Variants in HIBCH observed in about 807,000 individuals in gnomAD.
HIBCH encodes the protein 3-hydroxyisobutyryl-CoA hydrolase, mitochondrial.
In HIBCH, 50 loss-of-function variants were observed where a neutral mutation model predicts 58.2. The ratio of observed to expected loss-of-function variants is 0.86; its 90% CI spans 0.68 to 1.09. HIBCH has a LOEUF of 1.09. Among genes scored for constraint, HIBCH ranks in the 50% least tolerant of loss-of-function variants. The pLI is 0.00. For missense variants in HIBCH, 450 were observed against 449.7 expected (o/e 1.00, Z -0.01); for synonymous variants, 151 against 146.9 (o/e 1.03, Z -0.20).
intron 1 of HIBCH, among the ~76,000 whole-genome samples, chr2:190,316,064 G>A (rs567027129): frequency 6.6e-6 from 1 of 152,322 alleles, no homozygotes; most frequent in Middle Eastern, 3.4e-3. Context: ...AAATGAGAAG[G>A]CTGCAGTTGA....
At chr2:190,310,818 A>G (rs1157172449) in intron 1 of HIBCH, 22 bp from the exon 2 acceptor site, 2 of 1,554,528 alleles carry the variant, frequency 1.3e-6, no homozygotes, top group Non-Finnish European at 1.8e-6. Context: ...GTGGAAAACA[A>G]TGAGAACAGT....
rs564359545 is a variant in HIBCH, at chr2:190,227,365, A to G, written c.892-14290T>C. Among the ~76,000 whole-genome samples, 1,018 of 152,308 alleles carry G rather than the reference A, an allele frequency of 6.7e-3. 12 individuals are homozygous for G. Among genetic ancestry groups the G allele is most frequent in the African/African-American group, 0.022 (922 of 41,550 alleles). On this transcript the variant is annotated intron_variant, in intron 11 of 13. Transcript: ENST00000359678. ...ATGGTGCTGGGAAAACTGGCTAGCC[A>G]TATGTAGAAAGCTGAAACTGGATCC...
chr2:190,196,082 T>G (rs1689962741), intron 1 of HIBCH, among the ~76,000 whole-genome samples: 1 of 152,088 alleles, frequency 6.6e-6, no homozygotes, highest in Non-Finnish European at 1.5e-5. Flanking sequence ...TCCATTTTCT[T>G]TCAGGTAATT....
downstream of HIBCH, among the ~76,000 whole-genome samples, chr2:190,199,005 G>A (rs1690112738): frequency 6.6e-6 from 1 of 152,174 alleles, no homozygotes; most frequent in Admixed American, 6.5e-5. Context: ...GTCAATAGGT[G>A]GCTTTGCTAT....
intron 7 of HIBCH, among the ~76,000 whole-genome samples, chr2:190,257,768 T>C (rs939636229): frequency 4.0e-5 from 6 of 151,752 alleles, no homozygotes; most frequent in Non-Finnish European, 8.8e-5. Context: ...AAGGCAAGGG[T>C]GAGACAGGAC....
At chr2:190,311,938 G>C (rs1688568104) in intron 1 of HIBCH, among the ~76,000 whole-genome samples, 1 of 152,156 alleles carries the variant, frequency 6.6e-6, no homozygotes, top group Non-Finnish European at 1.5e-5. Flanking sequence ...ATGGACATGA[G>C]AATGGTGAGG....
rs374070132 is a variant in HIBCH, at chr2:190,310,695, C to T, written c.78+59G>A. On this transcript the variant is annotated intron_variant, in intron 2 of 13. Transcript: ENST00000359678. The stretch of plus-strand genomic sequence containing the variant: ...TACCAGTATTTCTCTACTTCTCTAA[C>T]AATGACATTTTAAGTTACACATACA... The T allele has an allele frequency of 1.5e-5, 20 of 1,338,394 alleles. No individual in the cohort carries two copies. In the African/African-American group the frequency reaches 2.9e-4, roughly 19 times the overall value. The allele number at this position is 1,338,394 out of a possible 1,614,324, so 82.9% of individuals were successfully genotyped here. A position where few individuals can be genotyped will look rare whatever the true frequency, so the allele number is the denominator to read the frequency against.
At chr2:190,212,920 G>C in intron 12 of HIBCH, 36 bp downstream of exon 12, 1 of 1,562,732 alleles carries the variant, frequency 6.4e-7, no homozygotes, top group Non-Finnish European at 8.8e-7. Flanking sequence ...GTTACTTTTA[G>C]AACTAAAAAA....
intron 11 of HIBCH, among the ~76,000 whole-genome samples, chr2:190,242,636 G>A (rs1047646579): frequency 4.1e-4 from 63 of 152,058 alleles, no homozygotes; most frequent in Middle Eastern, 3.2e-3. Flanking sequence ...GACATGAGGT[G>A]CTTGCTGAAG....
At chr2:190,296,421 T>TTA (rs1688105637) in intron 3 of HIBCH, among the ~76,000 whole-genome samples, 1 of 54,492 alleles carries the variant, frequency 1.8e-5, no homozygotes, top group African/African-American at 5.9e-5. Flanking sequence ...CTCCTCCGTC[T>TTA]CAAAAAAAAA....
rs554868212 is a variant in HIBCH, at chr2:190,281,432, G to A, written c.438+6154C>T. Among the ~76,000 whole-genome samples, 361 of 152,104 alleles carry A rather than the reference G, an allele frequency of 2.4e-3. No homozygotes were observed. Among genetic ancestry groups the A allele is most frequent in the Non-Finnish European group, 3.5e-3 (238 of 68,032 alleles). Reference sequence around the variant, plus strand: ...TGGGAGCAGAGGCCCAAGCAGCCCCGGGCGGTAAGCTTATAGGGGGAGGCC... The same window carrying A: ...TGGGAGCAGAGGCCCAAGCAGCCCCAGGCGGTAAGCTTATAGGGGGAGGCC... On this transcript the variant is annotated intron_variant, in intron 6 of 13. Transcript: ENST00000359678. The surrounding 1 kb of genome is among the most constrained non-coding windows in gnomAD (Gnocchi z 5.4).
intron 6 of HIBCH, among the ~76,000 whole-genome samples, chr2:190,271,249 T>A (rs1687390276): frequency 6.7e-6 from 1 of 148,562 alleles, no homozygotes; most frequent in Non-Finnish European, 1.5e-5. Context: ...CCTATCTCCC[T>A]CTTAAATCTA....
intron 5 of HIBCH, among the ~76,000 whole-genome samples, chr2:190,288,722 A>C (rs966446493): frequency 1.4e-4 from 22 of 152,152 alleles, no homozygotes; most frequent in Non-Finnish European, 2.9e-4. Context: ...AAGCTAAAAA[A>C]CAAAAGGAAT....
rs1326137569 is a variant in HIBCH, at chr2:190,215,459, G to C, written c.892-2384C>G. The C allele has an allele frequency of 2.0e-5, 3 of 152,158 alleles. No homozygotes were observed. The highest frequency in any genetic ancestry group is 2.9e-5 in the Non-Finnish European group (2 of 68,044). 9.4% of individuals were successfully genotyped at this position (152,158 alleles called of 1,614,324 possible). A position where few individuals can be genotyped will look rare whatever the true frequency, so the allele number is the denominator to read the frequency against. On this transcript the variant is annotated intron_variant, in intron 11 of 13. Transcript: ENST00000359678. This position sits in a 1 kb window ranked among gnomAD's most constrained non-coding sequence, Gnocchi z 4.4. Reference sequence around the variant, plus strand: ...GAGATTCAACAACAAAAAAGGAGGAGACTCCCTCTGTGTTGCTGCAGAGGC... The same window carrying C: ...GAGATTCAACAACAAAAAAGGAGGACACTCCCTCTGTGTTGCTGCAGAGGC...
chr2:190,225,703 T>A (rs1241975481), intron 11 of HIBCH, among the ~76,000 whole-genome samples: 2 of 152,318 alleles, frequency 1.3e-5, no homozygotes, highest in East Asian at 3.9e-4. Flanking sequence ...AAAGAGGAGC[T>A]GGTACCATTC....
chr2:190,244,972 TA>T lies in HIBCH; in HGVS notation c.810-5del. ...CACAGTATTGGCTGAAAAACAACTA[TA>T]AAAAAAGGAAATGTGATTTCACCAA... On this transcript the variant is annotated splice_polypyrimidine_tract_variant and splice_region_variant and intron_variant, in intron 10 of 13. Transcript: ENST00000359678. 12 of 1,561,460 alleles carry T rather than the reference TA, an allele frequency of 7.7e-6. No individual in the cohort carries two copies. The highest frequency in any genetic ancestry group is 9.7e-6 in the Non-Finnish European group (11 of 1,132,144).
chr2:190,268,785 C>G (rs1164871987), intron 6 of HIBCH, among the ~76,000 whole-genome samples: 1 of 152,168 alleles, frequency 6.6e-6, no homozygotes, highest in Non-Finnish European at 1.5e-5. Flanking sequence ...AACCCATAGG[C>G]AGCATGCCCA....
chr2:190,294,022 G>GTGTATGTA (rs755751586), intron 4 of HIBCH, among the ~76,000 whole-genome samples: 1 of 83,018 alleles, frequency 1.2e-5, no homozygotes, highest in Non-Finnish European at 2.6e-5. Flanking sequence ...TATTTTGTGT[G>GTGTATGTA]TATATATATA....
chr2:190,228,014 C>T (rs1395390500), intron 11 of HIBCH, among the ~76,000 whole-genome samples: 2 of 152,142 alleles, frequency 1.3e-5, no homozygotes, highest in Admixed American at 1.3e-4. Context: ...GGATCTAGAA[C>T]TAGAAATACC....
Sources: allele counts gnomAD v4.1 joint callset (sites outside exome capture counted in the v4.1 genomes callset), GRCh38; gene constraint gnomAD v4.1.1; non-coding constraint Gnocchi (gnomAD v3.1); transcripts MANE v1.5; gene names NCBI Gene and HGNC (gene_info 2026-07-23, HGNC 2026-07-21).